Variants in CNKSR3 observed in about 807,000 individuals in gnomAD.
CNKSR3 encodes the protein connector enhancer of kinase suppressor of ras 3.
CNKSR3 carries 36 observed loss-of-function variants against 67.7 expected under a neutral mutation model. The ratio of observed to expected loss-of-function variants is 0.53; its 90% confidence interval spans 0.41 to 0.70. CNKSR3 has a LOEUF of 0.70. CNKSR3 is among the 30% of genes least tolerant of loss of function. CNKSR3 has a pLI of 0.00. For synonymous variants in CNKSR3, 281 were observed against 271.4 expected, an observed-to-expected ratio of 1.04 and a Z score of -0.35; for missense variants, 630 against 695.2, an observed-to-expected ratio of 0.91 and a Z score of 1.05.
Position 154,442,266 on chromosome 6 carries a change from T to C in CNKSR3, c.241A>G (p.Met81Val), listed in dbSNP as rs1305730063. The change falls in exon 3 of 13, where the codon ATG becomes GTG. Residue 81 changes from methionine to valine, a missense_variant. Transcript: ENST00000607772. ...ALNYGLETDNMKNLVLKLRAS... is the reference protein window; with the variant it reads ...ALNYGLETDNVKNLVLKLRAS... ...CTCAGTTTCAGAACCAAGTTCTTCA[T>C]GTTATCAGTTTCGAGGCCATAATTC... 1 of 1,614,004 alleles carries C rather than the reference T, an allele frequency of 6.2e-7. No individual in the cohort carries two copies. The highest frequency in any genetic ancestry group is 1.1e-5 in the South Asian group (1 of 91,088).
chr6:154,424,411 A>AATCAAACATT (rs1785213280), intron 7 of CNKSR3, among the ~76,000 whole-genome samples: 1 of 152,220 alleles, frequency 6.6e-6, no homozygotes, highest in Non-Finnish European at 1.5e-5. Flanking sequence ...TTCAAATTCT[A>AATCAAACATT]ATCAAACATT....
intron 1 of CNKSR3, among the ~76,000 whole-genome samples, chr6:154,507,305 A>C (rs1438669823): frequency 6.6e-6 from 1 of 152,242 alleles, no homozygotes; most frequent in Non-Finnish European, 1.5e-5. Flanking sequence ...GGTGAGATCC[A>C]GCTGTCGACT....
rs370859707 is a variant in CNKSR3, at chr6:154,485,168, T to A, written c.52+24895A>T. ...ATGTACATGAATCATTAATTATGAA[T>A]CACATCTCCCTACACAGAGTTCCAA... On this transcript the variant is annotated intron_variant, in intron 1 of 12. Coordinates refer to ENST00000607772, the MANE Select transcript of CNKSR3 (RefSeq NM_173515.4). Among the ~76,000 whole-genome samples the A allele has an allele frequency of 3.9e-5, 6 of 152,264 alleles. No individual in the cohort carries two copies. The East Asian group carries it at 7.7e-4, about 20-fold the overall frequency.
chr6:154,447,661 C>T (rs1399838740), intron 2 of CNKSR3, among the ~76,000 whole-genome samples: 1 of 152,174 alleles, frequency 6.6e-6, no homozygotes, highest in Non-Finnish European at 1.5e-5. Flanking sequence ...ATCTGCCCCT[C>T]TCCTTACATT....
In CNKSR3 at chr6:154,403,602, GGTT is replaced by G. The variant is rs1784739952; in HGVS notation, c.*2749_*2751del. ...TATGTCCATAGTAGAGGTTTACAAA[GGTT>G]TTTTTTTTTTAGCAGCAATATATTT... is the stretch of plus-strand genomic sequence containing the variant. On this transcript the variant is annotated 3_prime_UTR_variant, in exon 13 of 13. Coordinates refer to ENST00000607772, the MANE Select transcript of CNKSR3 (RefSeq NM_173515.4). The G allele has an allele frequency of 6.6e-6, 1 of 151,106 alleles. No homozygotes were observed. The highest frequency in any genetic ancestry group is 6.6e-5 in the Admixed American group (1 of 15,178). The allele number at this position is 151,106 out of a possible 1,614,324, so 9.4% of individuals were successfully genotyped here.
At chr6:154,451,223 A>G (rs905327544) in intron 1 of CNKSR3, among the ~76,000 whole-genome samples, 5 of 152,252 alleles carry the variant, frequency 3.3e-5, no homozygotes, top group Non-Finnish European at 4.4e-5. Flanking sequence ...GAGTAAGCCA[A>G]ATAGAACTTG....
At chr6:154,417,566 G>A (rs935386307) in intron 9 of CNKSR3, among the ~76,000 whole-genome samples, 4 of 152,108 alleles carry the variant, frequency 2.6e-5, no homozygotes, top group African/African-American at 4.8e-5. Flanking sequence ...GGGCTGAACT[G>A]TGTCCCCTAA....
At chr6:154,470,176 C>G (rs1403617609) in intron 1 of CNKSR3, among the ~76,000 whole-genome samples, 1 of 135,504 alleles carries the variant, frequency 7.4e-6, no homozygotes, top group African/African-American at 2.8e-5. Context: ...AATAAAGAAC[C>G]TACTTTCTTT....
At chr6:154,465,826 G>C (rs895314410) in intron 1 of CNKSR3, among the ~76,000 whole-genome samples, 1 of 152,210 alleles carries the variant, frequency 6.6e-6, no homozygotes, top group Non-Finnish European at 1.5e-5. Context: ...TCAGAAGCCA[G>C]TATGTGATGA....
At chr6:154,472,976 G>T (rs566311327) in intron 1 of CNKSR3, among the ~76,000 whole-genome samples, 1 of 152,102 alleles carries the variant, frequency 6.6e-6, no homozygotes, top group Non-Finnish European at 1.5e-5. Flanking sequence ...TTTATGGAGG[G>T]CCTGCTGGTC....
Position 154,510,385 on chromosome 6 carries a change from C to A in CNKSR3, c.-271G>T. 2.0e-6 allele frequency: 1 copy of A among 505,768 alleles called. No homozygotes were observed. The highest frequency in any genetic ancestry group is 3.5e-6 in the Non-Finnish European group (1 of 287,818). The allele number at this position is 505,768 out of a possible 1,614,324, so 31.3% of individuals were successfully genotyped here. On this transcript the variant is annotated 5_prime_UTR_variant, in exon 1 of 13. Transcript: ENST00000607772. ...CCCGGGCACAGCTGCTGCTCCCGAG[C>A]GACGGCAGCTGCAGGCACGCCGGGC...
intron 1 of CNKSR3, among the ~76,000 whole-genome samples, chr6:154,485,920 C>T (rs1176636680): frequency 2.0e-5 from 3 of 152,228 alleles, no homozygotes; most frequent in South Asian, 2.1e-4. Context: ...TTGGGCTTGG[C>T]GCGACGGGAC....
chr6:154,423,939 T>C (rs1785199562), intron 7 of CNKSR3, among the ~76,000 whole-genome samples: 1 of 151,986 alleles, frequency 6.6e-6, no homozygotes, highest in African/African-American at 2.4e-5. Flanking sequence ...CAACAATATA[T>C]ATAAAGGGAT....
intron 4 of CNKSR3, among the ~76,000 whole-genome samples, chr6:154,439,842 G>T (rs373928912): frequency 2.0e-5 from 3 of 152,136 alleles, no homozygotes; most frequent in African/African-American, 7.2e-5. Context: ...AGTGAGCCAC[G>T]ATTACACCCC....
chr6:154,450,249 T>G lies in CNKSR3; in HGVS notation c.62A>C (p.Asp21Ala), dbSNP rs779698620. ...CTTGTGGACATATTGTTGCAGGCAG[T>G]CATCCAACCCTGCCAAAAACAATCA... ...QVVDWTRGLDDCLQQYVHKFE... is the reference protein window; with the variant it reads ...QVVDWTRGLDACLQQYVHKFE... The change falls in exon 2 of 13, where the codon GAC becomes GCC. Residue 21 changes from aspartate (D) to alanine (A), a missense_variant. Physicochemically the swap from Asp to Ala is moderately radical, Grantham distance 126. Transcript: ENST00000607772. The G allele has an allele frequency of 6.2e-7, 1 of 1,613,954 alleles. No homozygotes were observed.
chr6:154,480,474 C>A (rs944187663), intron 1 of CNKSR3, among the ~76,000 whole-genome samples: 1 of 152,170 alleles, frequency 6.6e-6, no homozygotes, highest in African/African-American at 2.4e-5. Flanking sequence ...GCAGGTAAAG[C>A]CTTTGAGAGC....
intron 4 of CNKSR3, among the ~76,000 whole-genome samples, chr6:154,439,395 G>A (rs1406416913): frequency 2.0e-5 from 3 of 152,056 alleles, no homozygotes; most frequent in African/African-American, 4.8e-5. Flanking sequence ...AGTTCACCCC[G>A]TGAAACAAAC....
chr6:154,498,859 C>A lies in CNKSR3; in HGVS notation c.52+11204G>T, dbSNP rs117763435. Among the ~76,000 whole-genome samples the A allele has an allele frequency of 5.5e-3, 843 of 152,346 alleles. 3 individuals carry two copies. The highest frequency in any genetic ancestry group is 8.3e-3 in the Non-Finnish European group (567 of 68,032). Reference sequence around the variant, plus strand: ...TCTTTTCTGATTTTTCTTTCCCTCACTTCTCATCTCCATGCTTTGTTCAAA... The same window carrying A: ...TCTTTTCTGATTTTTCTTTCCCTCAATTCTCATCTCCATGCTTTGTTCAAA... On this transcript the variant is annotated intron_variant, in intron 1 of 12. Transcript: ENST00000607772.
intron 1 of CNKSR3, among the ~76,000 whole-genome samples, chr6:154,487,497 G>A (rs1786699654): frequency 6.6e-6 from 1 of 152,146 alleles, no homozygotes; most frequent in Non-Finnish European, 1.5e-5. Flanking sequence ...CCAAACTTGG[G>A]CAGCTCCTGA....
Sources: gnomAD v4.1 joint callset for allele counts (sites outside exome capture counted in the v4.1 genomes callset) on GRCh38, gnomAD v4.1.1 for gene constraint, MANE v1.5 for transcripts, NCBI Gene and HGNC (gene_info 2026-07-23, HGNC 2026-07-21) for gene names.